FRMD3: variants seen among roughly 807,000 people sequenced by gnomAD.
FRMD3 encodes the protein FERM domain containing 3, also known as FERM domain-containing protein 3.
Under a neutral mutation model 70.2 loss-of-function variants are expected in FRMD3, and 33 were observed. The ratio of observed to expected loss-of-function variants is 0.47; its 90% CI spans 0.36 to 0.63. FRMD3 has a LOEUF of 0.63. Among genes scored for constraint, FRMD3 ranks in the 20% least tolerant of loss-of-function variants. The pLI is 0.00. For missense variants in FRMD3, 632 were observed against 711.4 expected (o/e 0.89, Z 1.27); for synonymous variants, 279 against 255.9 (o/e 1.09, Z -0.86).
chr9:83,533,720 G>A (rs7858885), intron 1 of FRMD3, among the ~76,000 whole-genome samples: 147,167 of 152,282 alleles, frequency 0.97, 71,152 homozygotes, highest in East Asian at 1. Context: ...GTGAACATCA[G>A]AATGTTCCTA....
chr9:83,266,093 GAAAACTAA>G, intron 13 of FRMD3, among the ~76,000 whole-genome samples: 1 of 151,186 alleles, frequency 6.6e-6, no homozygotes, highest in Non-Finnish European at 1.5e-5. Context: ...GATAAAGTAA[GAAAACTAA>G]TTCTGCAATA....
intron 1 of FRMD3, among the ~76,000 whole-genome samples, chr9:83,496,258 T>C (rs1282799263): frequency 6.6e-6 from 1 of 152,234 alleles, no homozygotes; most frequent in African/African-American, 2.4e-5. Flanking sequence ...ATAAATAGTA[T>C]GAGACTATTG....
intron 1 of FRMD3, among the ~76,000 whole-genome samples, chr9:83,470,417 A>T (rs1320715619): frequency 6.6e-6 from 1 of 152,174 alleles, no homozygotes; most frequent in Non-Finnish European, 1.5e-5. Flanking sequence ...GTTACCTCAG[A>T]TCTCTCTCAG....
At chr9:83,510,759 A>G (rs1438766713) in intron 1 of FRMD3, among the ~76,000 whole-genome samples, 3 of 152,238 alleles carry the variant, frequency 2.0e-5, no homozygotes, top group East Asian at 1.9e-4. Flanking sequence ...GAAGAAGCCA[A>G]TCCCAAAGAC....
At chr9:83,453,915 C>G (rs141759143) in intron 1 of FRMD3, among the ~76,000 whole-genome samples, 3 of 152,038 alleles carry the variant, frequency 2.0e-5, no homozygotes, top group South Asian at 4.2e-4. Context: ...CGGGGTTTTG[C>G]CGTGTTAGCC....
intron 1 of FRMD3, among the ~76,000 whole-genome samples, chr9:83,407,986 C>T (rs1461492471): frequency 6.6e-6 from 1 of 151,648 alleles, no homozygotes; most frequent in South Asian, 2.1e-4. Context: ...GGCTTCCTTA[C>T]ACCATGGCAG....
chr9:83,372,419 G>C lies in FRMD3; in HGVS notation c.295+494C>G, dbSNP rs534383214. Among the ~76,000 whole-genome samples the C allele has an allele frequency of 7.9e-4, 120 of 150,998 alleles. 1 individual carries two copies. Among genetic ancestry groups the C allele is most frequent in the African/African-American group, 2.9e-3 (119 of 41,206 alleles). On this transcript the variant is annotated intron_variant, in intron 3 of 13. Coordinates refer to ENST00000304195, the MANE Select transcript of FRMD3 (RefSeq NM_174938.6). ...AGAACATCGGAGATTTAAAACAATT[G>C]CCTAGAAGAAAAAATTGTTTTTCAT...
intron 6 of FRMD3, among the ~76,000 whole-genome samples, chr9:83,323,363 T>C (rs1287984230): frequency 1.3e-5 from 2 of 152,188 alleles, no homozygotes; most frequent in African/African-American, 2.4e-5. Context: ...ATGAGATGAA[T>C]GAATATCACA....
At chr9:83,419,770 AC>A (rs149290961) in intron 1 of FRMD3, among the ~76,000 whole-genome samples, 3,748 of 152,230 alleles carry the variant, frequency 0.025, 73 homozygotes, top group Non-Finnish European at 0.039. Flanking sequence ...TTCTGTGTTC[AC>A]CTAATTCTAA....
At chr9:83,434,266 G>A (rs188418690) in intron 1 of FRMD3, among the ~76,000 whole-genome samples, 15 of 152,296 alleles carry the variant, frequency 9.8e-5, no homozygotes, top group Non-Finnish European at 1.9e-4. Flanking sequence ...AGACTGTGCC[G>A]TGGTCTCCAC....
chr9:83,362,778 T>G (rs754978756), intron 3 of FRMD3, among the ~76,000 whole-genome samples: 6 of 145,180 alleles, frequency 4.1e-5, no homozygotes, highest in Non-Finnish European at 7.5e-5. Context: ...CTTCCTTCCT[T>G]ATTTCCTTCC....
intron 1 of FRMD3, among the ~76,000 whole-genome samples, chr9:83,525,801 G>A (rs1408751984): frequency 6.6e-6 from 1 of 152,200 alleles, no homozygotes; most frequent in Admixed American, 6.5e-5. Context: ...TGGTTCAGGT[G>A]AGAGTTGCCT....
chr9:83,458,384 G>A (rs1827880729), intron 1 of FRMD3, among the ~76,000 whole-genome samples: 1 of 152,198 alleles, frequency 6.6e-6, no homozygotes, highest in Non-Finnish European at 1.5e-5. Context: ...TCCATTGACA[G>A]GCATATCTGT....
At chr9:83,408,345 C>T (rs531981662) in intron 1 of FRMD3, among the ~76,000 whole-genome samples, 1 of 152,252 alleles carries the variant, frequency 6.6e-6, no homozygotes, top group East Asian at 1.9e-4. Context: ...AAAATATGGT[C>T]TATCTAGGAA....
the FRMD3 span, among the ~76,000 whole-genome samples, chr9:83,565,693 G>C: frequency 6.6e-6 from 1 of 152,218 alleles, no homozygotes; most frequent in Admixed American, 6.5e-5. Flanking sequence ...ATTAGTAATA[G>C]AGAATTAATG....
chr9:83,371,238 C>T (rs1267028994), intron 3 of FRMD3, among the ~76,000 whole-genome samples: 1 of 151,856 alleles, frequency 6.6e-6, no homozygotes, highest in Non-Finnish European at 1.5e-5. Context: ...TAGGAATCAG[C>T]AATTTTTTTC....
At chr9:83,426,502 T>G (rs890214272) in intron 1 of FRMD3, among the ~76,000 whole-genome samples, 1 of 152,230 alleles carries the variant, frequency 6.6e-6, no homozygotes, top group African/African-American at 2.4e-5. Context: ...GCACGCTCTG[T>G]GTCATCGTGT....
chr9:83,395,771 A>G (rs1223130281), intron 1 of FRMD3, among the ~76,000 whole-genome samples: 1 of 117,794 alleles, frequency 8.5e-6, no homozygotes, highest in Admixed American at 9.2e-5. Flanking sequence ...TTCTTCAATT[A>G]AAAAAAAAAA....
the FRMD3 span, among the ~76,000 whole-genome samples, chr9:83,572,785 T>C: frequency 6.6e-6 from 1 of 152,250 alleles, no homozygotes; most frequent in African/African-American, 2.4e-5. Flanking sequence ...GGAAAGGCAA[T>C]GAAGCAAGAG....
Sources: gnomAD v4.1 joint callset for allele counts (sites outside exome capture counted in the v4.1 genomes callset) on GRCh38, gnomAD v4.1.1 for gene constraint, MANE v1.5 for transcripts, NCBI Gene and HGNC (gene_info 2026-07-23, HGNC 2026-07-21) for gene names.